Variants in MMP16 observed in about 807,000 individuals in gnomAD.
MMP16 encodes the protein matrix metallopeptidase 16.
A neutral mutation model predicts 67.8 loss-of-function variants in MMP16; 12 were observed. That is an observed-to-expected ratio of 0.18 (90% confidence interval 0.11 to 0.29). The LOEUF is 0.29. Among genes scored for constraint, MMP16 ranks in the 10% least tolerant of loss-of-function variants. MMP16 has a pLI of 1.00. For synonymous variants in MMP16, 249 were observed against 255.9 expected, an observed-to-expected ratio of 0.97 and a Z score of 0.26; for missense variants, 475 against 765.7, an observed-to-expected ratio of 0.62 and a Z score of 4.48.
intron 6 of MMP16, among the ~76,000 whole-genome samples, chr8:88,075,581 A>G (rs1808634096): frequency 6.6e-6 from 1 of 152,162 alleles, no homozygotes; most frequent in African/African-American, 2.4e-5. Context: ...GATACATCTG[A>G]TGACACTAAG....
In MMP16 at chr8:88,105,758, C is replaced by G. The variant is rs111277927; in HGVS notation, c.1083+10749G>C. ...TTCTATTAATGCCAACAATAGTATT[C>G]TAGACAAAAGAAAGATTAAAGACAC... is the stretch of plus-strand genomic sequence containing the variant. On this transcript the variant is annotated intron_variant, in intron 6 of 9. Transcript: ENST00000286614. 7.0e-3 allele frequency among the ~76,000 whole-genome samples: 1,066 copies of G among 151,264 alleles called. 10 individuals are homozygous for G. The highest frequency in any genetic ancestry group is 0.024 in the African/African-American group (1,006 of 41,392).
chr8:88,110,865 C>T (rs1425364511), intron 6 of MMP16, among the ~76,000 whole-genome samples: 1 of 151,540 alleles, frequency 6.6e-6, no homozygotes, highest in Non-Finnish European at 1.5e-5. Context: ...GTTAAAAATG[C>T]TAAGTCTGCT....
At chr8:88,099,356 A>T (rs1407417311) in intron 6 of MMP16, among the ~76,000 whole-genome samples, 1 of 151,848 alleles carries the variant, frequency 6.6e-6, no homozygotes, top group African/African-American at 2.4e-5. Context: ...TTTTTAAGAC[A>T]GCTGAAGTCT....
intron 7 of MMP16, among the ~76,000 whole-genome samples, chr8:88,068,011 C>T (rs894886465): frequency 6.6e-6 from 1 of 152,044 alleles, no homozygotes; most frequent in East Asian, 1.9e-4. Context: ...CCAGAGTATA[C>T]AATTTTACTT....
intron 1 of MMP16, among the ~76,000 whole-genome samples, chr8:88,320,237 A>C (rs1811437813): frequency 6.6e-6 from 1 of 152,208 alleles, no homozygotes; most frequent in Non-Finnish European, 1.5e-5. Context: ...TTATTCAATA[A>C]GGACTCATGG....
At chr8:88,246,703 T>C (rs1810118043) in intron 1 of MMP16, among the ~76,000 whole-genome samples, 2 of 152,114 alleles carry the variant, frequency 1.3e-5, no homozygotes, top group African/African-American at 4.8e-5. Flanking sequence ...TGGTACTGAA[T>C]GAGGGAATAA....
At position 88,145,924 on chromosome 8, in the gene MMP16, A is replaced by C. The variant is rs369221881; in HGVS notation, c.709+21745T>G. Among the ~76,000 whole-genome samples the C allele has an allele frequency of 1.1e-4, 17 of 152,106 alleles. No individual in the cohort carries two copies. The East Asian group carries it at 2.9e-3, about 26-fold the overall frequency. ...AATATTGCTAAACATCAAGCCTGTA[A>C]TGTATAGGAACATCTCTCTTCCTAC... On this transcript the variant is annotated intron_variant, in intron 4 of 9. Coordinates refer to ENST00000286614, the MANE Select transcript of MMP16 (RefSeq NM_005941.5).
intron 1 of MMP16, among the ~76,000 whole-genome samples, chr8:88,247,876 C>A (rs1322825135): frequency 6.6e-6 from 1 of 151,982 alleles, no homozygotes; most frequent in East Asian, 1.9e-4. Flanking sequence ...CCCCTACTCT[C>A]TCTCATCACA....
chr8:88,259,830 C>G (rs369764569), intron 1 of MMP16, among the ~76,000 whole-genome samples: 1 of 152,072 alleles, frequency 6.6e-6, no homozygotes, highest in African/African-American at 2.4e-5. Context: ...TACTGAGCAC[C>G]CTGCCTCACG....
At chr8:88,266,468 C>T (rs1810478306) in intron 1 of MMP16, among the ~76,000 whole-genome samples, 1 of 151,888 alleles carries the variant, frequency 6.6e-6, no homozygotes, top group African/African-American at 2.4e-5. Context: ...ATAAATTTAT[C>T]ATTTTATAGA....
intron 4 of MMP16, among the ~76,000 whole-genome samples, chr8:88,133,800 G>A (rs1008128084): frequency 1.3e-5 from 2 of 151,488 alleles, no homozygotes; most frequent in Admixed American, 6.6e-5. Flanking sequence ...ATCATGGTTC[G>A]CATTATAACT....
intron 6 of MMP16, among the ~76,000 whole-genome samples, chr8:88,075,451 A>C (rs1474924148): frequency 1.3e-5 from 2 of 152,168 alleles, no homozygotes; most frequent in Non-Finnish European, 2.9e-5. Flanking sequence ...CTTGACCCAT[A>C]GCAGGTTTCT....
chr8:88,240,001 T>C (rs545240405), intron 1 of MMP16, among the ~76,000 whole-genome samples: 10 of 152,344 alleles, frequency 6.6e-5, no homozygotes, highest in Middle Eastern at 3.4e-3. Context: ...CTGCCGGCCT[T>C]GAGGTCTGCC....
rs149638416 is a variant in MMP16, at chr8:88,289,133, C to CAG, written c.132+37940_132+37941dup. ...AAAGAGACAGAGACAGAGACAGAGACAGAGAGAGAGAGAGAGACAGAAGAA... is the reference window on the plus strand; with the variant it reads ...AAAGAGACAGAGACAGAGACAGAGACAGAGAGAGAGAGAGAGAGACAGAAGAA... On this transcript the variant is annotated intron_variant, in intron 1 of 9. Transcript: ENST00000286614. Among the ~76,000 whole-genome samples, 1,074 of 149,114 alleles carry CAG rather than the reference C, an allele frequency of 7.2e-3. 9 individuals carry two copies. The highest frequency in any genetic ancestry group is 0.024 in the African/African-American group (992 of 40,782).
intron 3 of MMP16, among the ~76,000 whole-genome samples, chr8:88,179,162 A>T (rs547511904): frequency 5.9e-4 from 89 of 152,110 alleles, no homozygotes; most frequent in South Asian, 3.9e-3. Context: ...ATCATATTCA[A>T]AGCAGAAAAC....
chr8:88,185,166 A>C (rs562045488), intron 3 of MMP16, among the ~76,000 whole-genome samples: 1 of 152,224 alleles, frequency 6.6e-6, no homozygotes, highest in Non-Finnish European at 1.5e-5. Context: ...GAAGACAGAA[A>C]AGTGTTCCCA....
rs536778317 is a variant in MMP16, at chr8:88,088,622, C to T, written c.1084-13879G>A. 4.9e-4 allele frequency among the ~76,000 whole-genome samples: 74 copies of T among 152,174 alleles called. 1 individual carries two copies. Among genetic ancestry groups the T allele is most frequent in the African/African-American group, 1.3e-3 (52 of 41,570 alleles). On this transcript the variant is annotated intron_variant, in intron 6 of 9. Transcript: ENST00000286614. Reference sequence around the variant, plus strand: ...TAACAGGGGAGACTAATCCTCATTACCATTACCTAATTGCTTTATGCTAAT... The same window carrying T: ...TAACAGGGGAGACTAATCCTCATTATCATTACCTAATTGCTTTATGCTAAT...
intron 4 of MMP16, among the ~76,000 whole-genome samples, chr8:88,133,657 G>C (rs1808070650): frequency 6.6e-6 from 1 of 151,608 alleles, no homozygotes; most frequent in African/African-American, 2.4e-5. Flanking sequence ...AGTCTTAGTA[G>C]CCATTTTTTG....
chr8:88,169,030 A>G (rs1391947647), intron 3 of MMP16, among the ~76,000 whole-genome samples: 1 of 152,134 alleles, frequency 6.6e-6, no homozygotes, highest in Non-Finnish European at 1.5e-5. Flanking sequence ...TTTAATTACA[A>G]AAAAGAGGAT....
Sources: gnomAD v4.1 joint callset for allele counts (sites outside exome capture counted in the v4.1 genomes callset) on GRCh38, gnomAD v4.1.1 for gene constraint, MANE v1.5 for transcripts, NCBI Gene and HGNC (gene_info 2026-07-23, HGNC 2026-07-21) for gene names.